The following CTNNA3 variants were observed in gnomAD, a reference collection of about 807,000 sequenced individuals.
CTNNA3 encodes catenin alpha 3, also known as catenin alpha-3.
A neutral mutation model predicts 95.7 loss-of-function variants in CTNNA3; 76 were observed. That is an observed-to-expected ratio of 0.79 (90% CI 0.66 to 0.96). The LOEUF (loss-of-function observed/expected upper bound fraction) is 0.96, where lower values mean the gene tolerates loss of function less well. CTNNA3 is among the 40% of genes least tolerant of loss of function. The probability of loss-of-function intolerance (pLI) is 0.00; values close to 1 mark genes in which losing one functional copy is unlikely to be tolerated. For missense variants in CTNNA3, 1,191 were observed against 1,089.8 expected, an observed-to-expected ratio of 1.09 and a Z score of -1.31; for synonymous variants, 431 against 374.4, an observed-to-expected ratio of 1.15 and a Z score of -1.74.
At chr10:66,061,655 T>A (rs2133572705) in intron 15 of CTNNA3, among the ~76,000 whole-genome samples, 1 of 152,176 alleles carries the variant, frequency 6.6e-6, no homozygotes, top group East Asian at 1.9e-4. Flanking sequence ...TTCCTTCTTT[T>A]TCATATTTTT....
chr10:67,679,155 C>A (rs1273577108), intron 1 of CTNNA3, among the ~76,000 whole-genome samples: 1 of 152,116 alleles, frequency 6.6e-6, no homozygotes, highest in Non-Finnish European at 1.5e-5. Context: ...TGGGTATATT[C>A]CATTAAAGCA....
chr10:66,058,505 T>C (rs577608862), intron 15 of CTNNA3, among the ~76,000 whole-genome samples: 10 of 152,256 alleles, frequency 6.6e-5, no homozygotes, highest in East Asian at 1.9e-4. Flanking sequence ...TACATGGCTA[T>C]TTTTGAGTGT....
At chr10:67,616,298 G>A (rs995095592) in intron 2 of CTNNA3, among the ~76,000 whole-genome samples, 12 of 152,180 alleles carry the variant, frequency 7.9e-5, no homozygotes, top group Non-Finnish European at 1.8e-4. Flanking sequence ...TGAAGTGCTT[G>A]AAACAGGAAA....
chr10:66,112,681 T>A (rs1473521925), intron 13 of CTNNA3, among the ~76,000 whole-genome samples: 1 of 152,062 alleles, frequency 6.6e-6, no homozygotes, highest in Middle Eastern at 3.2e-3. Flanking sequence ...TTTCTAGGAG[T>A]GTAAAAACAT....
intron 7 of CTNNA3, among the ~76,000 whole-genome samples, chr10:67,103,711 A>T (rs1439876833): frequency 6.6e-6 from 1 of 151,792 alleles, no homozygotes; most frequent in East Asian, 1.9e-4. Context: ...GTGAGAAGAG[A>T]TTATAATCAA....
chr10:66,881,299 A>G (rs1476327045), intron 7 of CTNNA3, among the ~76,000 whole-genome samples: 1 of 152,170 alleles, frequency 6.6e-6, no homozygotes, highest in African/African-American at 2.4e-5. Flanking sequence ...TAGAAAATGC[A>G]GAACAAACAA....
intron 5 of CTNNA3, among the ~76,000 whole-genome samples, chr10:67,450,529 A>T (rs1846939150): frequency 6.6e-6 from 1 of 152,186 alleles, no homozygotes; most frequent in Non-Finnish European, 1.5e-5. Context: ...CTAATGCAGA[A>T]ATCGAAAATC....
intron 7 of CTNNA3, among the ~76,000 whole-genome samples, chr10:67,065,024 T>C (rs1274149955): frequency 1.3e-5 from 2 of 152,178 alleles, no homozygotes; most frequent in Non-Finnish European, 2.9e-5. Context: ...CCACCAACAC[T>C]TATGGTCCTA....
rs1814548451 is a variant in CTNNA3, at chr10:65,949,317, CT to C, written c.2400+17294del. ...TGGCAAGTTATGTTCATTTATTAGCCTTTCTTTTCTTGTCAACAAAATATCA... is the reference window on the plus strand; with the variant it reads ...TGGCAAGTTATGTTCATTTATTAGCCTTCTTTTCTTGTCAACAAAATATCA... On this transcript the variant is annotated intron_variant, in intron 17 of 17. Coordinates refer to ENST00000433211, the MANE Select transcript of CTNNA3 (RefSeq NM_013266.4). 2.0e-5 allele frequency among the ~76,000 whole-genome samples: 3 copies of C among 152,256 alleles called. No homozygotes were observed. The East Asian group carries it at 5.8e-4, about 29-fold the overall frequency.
chr10:66,105,628 C>T (rs1004098827), intron 13 of CTNNA3, among the ~76,000 whole-genome samples: 2 of 152,158 alleles, frequency 1.3e-5, no homozygotes, highest in African/African-American at 2.4e-5. Flanking sequence ...GGATGCTGTA[C>T]GAAGAGATAA....
intron 12 of CTNNA3, among the ~76,000 whole-genome samples, chr10:66,318,359 T>A (rs1416728810): frequency 6.6e-6 from 1 of 150,862 alleles, no homozygotes; most frequent in Non-Finnish European, 1.5e-5. Flanking sequence ...ATATAATGCA[T>A]ACTCTATAAT....
At chr10:67,606,351 AAGC>A (rs1843271743) in intron 3 of CTNNA3, among the ~76,000 whole-genome samples, 1 of 152,214 alleles carries the variant, frequency 6.6e-6, no homozygotes, top group African/African-American at 2.4e-5. Flanking sequence ...AATATTAACA[AAGC>A]AGCAACTTGG....
intron 10 of CTNNA3, among the ~76,000 whole-genome samples, chr10:66,561,911 A>G (rs1842564679): frequency 1.3e-5 from 2 of 152,044 alleles, no homozygotes; most frequent in Non-Finnish European, 2.9e-5. Flanking sequence ...CAGGTTGGCA[A>G]TATACATCGT....
intron 9 of CTNNA3, among the ~76,000 whole-genome samples, chr10:66,631,937 T>A (rs2394221): frequency 0.37 from 56,633 of 151,784 alleles, 10,756 homozygotes; most frequent in Middle Eastern, 0.49. Flanking sequence ...TCTATATATT[T>A]TAAAAGTTTT....
At chr10:67,111,562 A>G (rs1858910314) in intron 7 of CTNNA3, among the ~76,000 whole-genome samples, 1 of 152,088 alleles carries the variant, frequency 6.6e-6, no homozygotes, top group Non-Finnish European at 1.5e-5. Flanking sequence ...AAGGTCCAAA[A>G]GCTTGTTAAG....
chr10:66,693,373 C>T (rs554710226), intron 9 of CTNNA3, among the ~76,000 whole-genome samples: 5,700 of 120,158 alleles, frequency 0.047, 235 homozygotes, highest in East Asian at 0.11. Flanking sequence ...AAGGCCATTA[C>T]ATAATGGTAA....
intron 7 of CTNNA3, among the ~76,000 whole-genome samples, chr10:67,163,105 A>G (rs1323961572): frequency 1.3e-5 from 2 of 151,986 alleles, no homozygotes; most frequent in Non-Finnish European, 2.9e-5. Context: ...GAAGATAAAA[A>G]AAGAGGGAGT....
intron 2 of CTNNA3, among the ~76,000 whole-genome samples, chr10:67,621,789 G>C (rs1409415981): frequency 6.6e-6 from 1 of 150,820 alleles, no homozygotes; most frequent in African/African-American, 2.4e-5. Flanking sequence ...GGTCAGTCTA[G>C]AACCAGGGCC....
intron 7 of CTNNA3, among the ~76,000 whole-genome samples, chr10:67,039,822 T>C (rs768716133): frequency 1.3e-5 from 2 of 152,182 alleles, no homozygotes; most frequent in African/African-American, 2.4e-5. Context: ...AAGATAATTA[T>C]TGATTGCTAT....
Sources: gnomAD v4.1 joint callset for allele counts (sites outside exome capture counted in the v4.1 genomes callset) on GRCh38, gnomAD v4.1.1 for gene constraint, MANE v1.5 for transcripts, NCBI Gene and HGNC (gene_info 2026-07-23, HGNC 2026-07-21) for gene names.